The following XRCC4 variants were observed in gnomAD, a reference collection of about 807,000 sequenced individuals.
XRCC4 encodes the protein DNA repair protein XRCC4.
Under a neutral mutation model 39.1 loss-of-function variants are expected in XRCC4, and 28 were observed. The ratio of observed to expected loss-of-function variants is 0.72; its 90% CI spans 0.53 to 0.98. XRCC4 has a LOEUF of 0.98. Ranked by LOEUF, XRCC4 falls within the 50% of genes least tolerant of loss-of-function variation. The pLI, the probability that XRCC4 is intolerant of heterozygous loss-of-function variation, is 0.00. For missense variants in XRCC4, 350 were observed against 376.4 expected, an observed-to-expected ratio of 0.93 and a Z score of 0.58; for synonymous variants, 123 against 126.4, an observed-to-expected ratio of 0.97 and a Z score of 0.18.
chr5:83,338,523 A>G (rs1438238631), intron 7 of XRCC4, among the ~76,000 whole-genome samples: 1 of 152,228 alleles, frequency 6.6e-6, no homozygotes, highest in Non-Finnish European at 1.5e-5. Flanking sequence ...AAATGTATTA[A>G]TATTGCTGAA....
At chr5:83,252,582 A>T (rs1753364624) in intron 6 of XRCC4, among the ~76,000 whole-genome samples, 1 of 151,954 alleles carries the variant, frequency 6.6e-6, no homozygotes, top group South Asian at 2.1e-4. Context: ...TATTTCTGAT[A>T]CTTTTTTATT....
At chr5:83,369,844 C>T in the XRCC4 span, among the ~76,000 whole-genome samples, 3 of 152,164 alleles carry the variant, frequency 2.0e-5, no homozygotes, top group Non-Finnish European at 4.4e-5. Context: ...TCCACAGTGG[C>T]AGGACTAATT....
intron 7 of XRCC4, among the ~76,000 whole-genome samples, chr5:83,334,501 C>T (rs1264030735): frequency 4.0e-5 from 6 of 151,780 alleles, no homozygotes; most frequent in South Asian, 4.2e-4. Flanking sequence ...CTCAATGTAA[C>T]GGAATAGTAT....
chr5:83,204,969 C>T (rs1453228036), intron 6 of XRCC4, 48 bp downstream of exon 6: 1 of 1,253,500 alleles, frequency 8.0e-7, no homozygotes, highest in Non-Finnish European at 1.1e-6. Context: ...CTTATTTGGG[C>T]TTCTTATTCT....
intron 6 of XRCC4, among the ~76,000 whole-genome samples, chr5:83,242,555 C>T (rs1331077083): frequency 6.6e-6 from 1 of 152,112 alleles, no homozygotes; most frequent in Non-Finnish European, 1.5e-5. Flanking sequence ...AAGTGATCCT[C>T]CTGCCTCAGC....
chr5:83,101,553 T>C (rs1745938084), intron 1 of XRCC4, among the ~76,000 whole-genome samples: 1 of 152,120 alleles, frequency 6.6e-6, no homozygotes, highest in Non-Finnish European at 1.5e-5. Context: ...TAAATAGTGT[T>C]GATAGGCTGG....
intron 3 of XRCC4, among the ~76,000 whole-genome samples, chr5:83,153,152 C>T (rs529956122): frequency 1.3e-5 from 2 of 152,124 alleles, no homozygotes; most frequent in East Asian, 3.9e-4. Flanking sequence ...GGCTTTTTTT[C>T]ACTCAGCATA....
chr5:83,204,384 G>A (rs969796358), intron 5 of XRCC4, among the ~76,000 whole-genome samples: 1 of 152,050 alleles, frequency 6.6e-6, no homozygotes, highest in African/African-American at 2.4e-5. Flanking sequence ...ATACCTATTA[G>A]TTTATAGCTT....
At chr5:83,368,554 C>G in the XRCC4 span, among the ~76,000 whole-genome samples, 36 of 152,192 alleles carry the variant, frequency 2.4e-4, no homozygotes, top group African/African-American at 8.7e-4. Flanking sequence ...TAAATCACTC[C>G]CTGGTGTGGC....
chr5:83,284,021 C>T (rs1754643862), intron 7 of XRCC4, among the ~76,000 whole-genome samples: 1 of 114,850 alleles, frequency 8.7e-6, no homozygotes, highest in African/African-American at 3.4e-5. Flanking sequence ...AAACTTAAGT[C>T]ACTTCCCAAA....
intron 7 of XRCC4, among the ~76,000 whole-genome samples, chr5:83,284,246 G>C (rs16876496): frequency 0.068 from 10,268 of 151,674 alleles, 962 homozygotes; most frequent in East Asian, 0.48. Context: ...GGTAAAAAGG[G>C]AAGTCCATAT....
intron 4 of XRCC4, among the ~76,000 whole-genome samples, chr5:83,199,896 G>T (rs1407722910): frequency 6.6e-6 from 1 of 152,012 alleles, no homozygotes; most frequent in African/African-American, 2.4e-5. Context: ...GACCTTTCTT[G>T]TTTGATGTTA....
downstream of XRCC4, chr5:83,356,699 T>A (rs1757193720): frequency 2.2e-6 from 1 of 454,652 alleles, no homozygotes; most frequent in Non-Finnish European, 4.4e-6. Flanking sequence ...CCATACCACG[T>A]TTTCTCCTCA....
At chr5:83,096,497 A>G (rs1010751828) in intron 1 of XRCC4, among the ~76,000 whole-genome samples, 9 of 151,988 alleles carry the variant, frequency 5.9e-5, no homozygotes, top group Admixed American at 2.0e-4. Context: ...GAACAGGATT[A>G]TTTCTGTGTT....
intron 3 of XRCC4, among the ~76,000 whole-genome samples, chr5:83,159,046 T>C (rs1181396032): frequency 2.0e-5 from 3 of 152,084 alleles, no homozygotes; most frequent in East Asian, 1.9e-4. Context: ...ACCTATAGTG[T>C]AAGTTTTGTG....
chr5:83,118,418 C>T (rs1746845727), intron 3 of XRCC4, among the ~76,000 whole-genome samples: 1 of 152,094 alleles, frequency 6.6e-6, no homozygotes, highest in South Asian at 2.1e-4. Context: ...CCTCCTACCT[C>T]AGTCTCCCAA....
intron 3 of XRCC4, among the ~76,000 whole-genome samples, chr5:83,175,326 AT>A (rs1372883228): frequency 1.3e-5 from 2 of 152,190 alleles, no homozygotes; most frequent in Non-Finnish European, 2.9e-5. Context: ...AGCTCCTTAT[AT>A]TCAATGCTAT....
At chr5:83,115,736 G>GA (rs1746679181) in intron 3 of XRCC4, among the ~76,000 whole-genome samples, 1 of 152,208 alleles carries the variant, frequency 6.6e-6, no homozygotes, top group Non-Finnish European at 1.5e-5. Flanking sequence ...ACAAGTAATG[G>GA]AAGCAGCCTG....
chr5:83,287,984 T>C (rs1178886310), intron 7 of XRCC4, among the ~76,000 whole-genome samples: 1 of 151,810 alleles, frequency 6.6e-6, no homozygotes, highest in Non-Finnish European at 1.5e-5. Flanking sequence ...GTTAGCTGAC[T>C]TGTATTTTAA....
Sources: gnomAD v4.1 joint callset for allele counts (sites outside exome capture counted in the v4.1 genomes callset) on GRCh38, gnomAD v4.1.1 for gene constraint, MANE v1.5 for transcripts, NCBI Gene and HGNC (gene_info 2026-07-23, HGNC 2026-07-21) for gene names.